The following SLC2A14 variants were observed in gnomAD, a reference collection of about 807,000 sequenced individuals.
SLC2A14 encodes solute carrier family 2 member 14.
In SLC2A14, 13 loss-of-function variants were observed where a neutral mutation model predicts 43.0. That is an observed-to-expected ratio of 0.30 (90% confidence interval 0.20 to 0.48). The LOEUF is 0.48. SLC2A14 is among the 20% of genes least tolerant of loss of function. The probability of loss-of-function intolerance (pLI) is 0.99; values close to 1 mark genes in which losing one functional copy is unlikely to be tolerated. For missense variants in SLC2A14, 428 were observed against 620.4 expected (o/e 0.69, Z 3.29); for synonymous variants, 190 against 233.8 (o/e 0.81, Z 1.71).
At position 7,817,771 on chromosome 12, in the gene SLC2A14, G is replaced by A. The variant is rs544944133; in HGVS notation, c.1275+60C>T. On this transcript the variant is annotated intron_variant, in intron 10 of 10. Transcript: ENST00000431042. ...ATATATATAGATAGATAGATAGATAGATAGATAGACAGATACATAGATAGA... is the reference window on the plus strand; with the variant it reads ...ATATATATAGATAGATAGATAGATAAATAGATAGACAGATACATAGATAGA... The A allele has an allele frequency of 1.1e-5, 17 of 1,564,020 alleles. No individual in the cohort carries two copies. The South Asian group carries it at 1.8e-4, about 17-fold the overall frequency.
rs771396690 is a variant in SLC2A14, at chr12:7,821,285, A to C, written c.905T>G (p.Val302Gly). The change falls in exon 8 of 11, where the codon GTT (valine) becomes GGT (glycine). Residue 302 changes from valine to glycine, a missense_variant. Physicochemically the swap from Val to Gly is moderately radical, Grantham distance 109. Transcript: ENST00000431042. ...GATGGTGGCATAGATGGGCTGTTGA[A>C]CACCTGCATCCTTGAAGATTCCTGT... ...YSTGIFKDAGVQQPIYATISA... is the reference protein window; with the variant it reads ...YSTGIFKDAGGQQPIYATISA... The C allele has an allele frequency of 3.7e-6, 6 of 1,613,950 alleles. No homozygotes were observed. The highest frequency in any genetic ancestry group is 5.1e-6 in the Non-Finnish European group (6 of 1,179,908).
Position 7,889,766 on chromosome 12 carries a change from C to T in SLC2A14, c.132+1230G>A, listed in dbSNP as rs1405771584. 7.2e-5 allele frequency among the ~76,000 whole-genome samples: 11 copies of T among 151,926 alleles called. 1 individual carries two copies. Among genetic ancestry groups the T allele is most frequent in the Non-Finnish European group, 1.5e-4 (10 of 67,982 alleles). On this transcript the variant is annotated intron_variant, in intron 1 of 9. Coordinates refer to the SLC2A14 transcript ENST00000539924. ...GGTCAGGCTGGTCTCGAACTCCTGA[C>T]CTCAGGTGATCCACCCGCCTTGGCC...
At chr12:7,856,400 G>C (rs775777706) in intron 2 of SLC2A14, 1 of 152,152 alleles carries the variant, frequency 6.6e-6, no homozygotes, top group East Asian at 1.9e-4. Context: ...GTGCTGATCC[G>C]CAGTGGGATG....
chr12:7,875,065 T>TAAATATATATTTATATATAAATTATATA (rs1945429606), upstream of SLC2A14, among the ~76,000 whole-genome samples: 3 of 122,004 alleles, frequency 2.5e-5, no homozygotes, highest in East Asian at 4.5e-4. Flanking sequence ...AAATTATATA[T>TAAATATATATTTATATATAAATTATATA]TAAATATTAT....
At chr12:7,871,743 C>T (rs1290159303) in intron 1 of SLC2A14, 1 of 226,198 alleles carries the variant, frequency 4.4e-6, no homozygotes, top group Non-Finnish European at 7.4e-6. Flanking sequence ...GGAAGGGACC[C>T]TTAGTCCTGA....
At chr12:7,822,620 G>A (rs1864015486) in intron 7 of SLC2A14, among the ~76,000 whole-genome samples, 1 of 148,578 alleles carries the variant, frequency 6.7e-6, no homozygotes, top group Non-Finnish European at 1.5e-5. Context: ...AGTGAGCCGA[G>A]ATGGTGCCAC....
At chr12:7,830,943 G>C (rs1041780086) in intron 4 of SLC2A14, among the ~76,000 whole-genome samples, 2 of 151,940 alleles carry the variant, frequency 1.3e-5, no homozygotes, top group Non-Finnish European at 2.9e-5. Flanking sequence ...GGCCAATATG[G>C]TGAAACCCCA....
intron 2 of SLC2A14, among the ~76,000 whole-genome samples, chr12:7,846,655 G>A (rs1164966740): frequency 1.4e-5 from 2 of 145,640 alleles, no homozygotes; most frequent in African/African-American, 5.0e-5. Flanking sequence ...TTTTTGAGAT[G>A]GAGTCTCGCT....
At chr12:7,879,244 G>T (rs113359814) in intron 1 of SLC2A14, among the ~76,000 whole-genome samples, 1 of 149,802 alleles carries the variant, frequency 6.7e-6, no homozygotes, top group South Asian at 2.1e-4. Context: ...TTATTTTAAC[G>T]TCTGCCTCAG....
chr12:7,832,761 C>T lies in SLC2A14; in HGVS notation c.72G>A (p.Gln24=). 3 of 1,614,150 alleles carry T rather than the reference C, an allele frequency of 1.9e-6. No individual in the cohort carries two copies. Among genetic ancestry groups the T allele is most frequent in the Non-Finnish European group, 1.7e-6 (2 of 1,180,022 alleles). The change falls in exon 3 of 11, where the codon CAG becomes CAA. Residue 24 remains glutamine, a synonymous_variant. Transcript: ENST00000431042. The part of the protein sequence containing the change: ...AITVATIGSF[Q]FGYNTGVINA... ...TGATGACCCCAGTGTTGTAGCCAAA[C>T]TGGAAAGAGCCGATTGTAGCAACTG... is the stretch of plus-strand genomic sequence containing the variant.
At chr12:7,829,146 A>T (rs1254470109) in intron 5 of SLC2A14, among the ~76,000 whole-genome samples, 1 of 152,084 alleles carries the variant, frequency 6.6e-6, no homozygotes, top group Non-Finnish European at 1.5e-5. Flanking sequence ...CAGGAGGCGG[A>T]GGTTGCAGTG....
At position 7,864,607 on chromosome 12, in the gene SLC2A14, G is replaced by A. The variant is rs146346590; in HGVS notation, c.18+5256C>T. ...CCGGCCTCGGCCTCCCAAAGTGTTG[G>A]GATTACAGGCGTGAGCCACCGTGCC... On this transcript the variant is annotated intron_variant, in intron 2 of 10. Transcript: ENST00000431042. 1.5e-3 allele frequency among the ~76,000 whole-genome samples: 226 copies of A among 152,244 alleles called. 1 individual carries two copies. Among genetic ancestry groups the A allele is most frequent in the African/African-American group, 4.7e-3 (194 of 41,544 alleles).
chr12:7,826,911 T>TTCTTTCTTTCTTTC (rs1555121889), intron 7 of SLC2A14, among the ~76,000 whole-genome samples: 7 of 126,378 alleles, frequency 5.5e-5, no homozygotes, highest in Non-Finnish European at 1.2e-4. Flanking sequence ...CTTTCTTTCT[T>TTCTTTCTTTCTTTC]TCTTTTTCCT....
chr12:7,838,435 G>A (rs920339193), intron 2 of SLC2A14, among the ~76,000 whole-genome samples: 3 of 152,020 alleles, frequency 2.0e-5, no homozygotes, highest in African/African-American at 7.3e-5. Flanking sequence ...TTTTGAACTT[G>A]GAAGACCAGG....
At chr12:7,875,844 C>T (rs774277661), upstream of SLC2A14, among the ~76,000 whole-genome samples, 90 of 152,112 alleles carry the variant, frequency 5.9e-4, 1 homozygote, top group African/African-American at 2.1e-3. Flanking sequence ...GGTGCAGTGG[C>T]GCATGCCTGT....
At chr12:7,834,530 CTTTT>C (rs71038782) in intron 2 of SLC2A14, among the ~76,000 whole-genome samples, 1 of 113,226 alleles carries the variant, frequency 8.8e-6, no homozygotes, top group Non-Finnish European at 1.8e-5. Context: ...TTCTCTCTCT[CTTTT>C]TTTTTTTTTT....
chr12:7,828,364 CAAAA>C (rs34164271), intron 6 of SLC2A14, among the ~76,000 whole-genome samples: 2 of 142,186 alleles, frequency 1.4e-5, no homozygotes, highest in Non-Finnish European at 1.5e-5. Context: ...GACTCTGTCT[CAAAA>C]AAAAAAAAAA....
chr12:7,829,351 G>A (rs1363433328), intron 5 of SLC2A14, among the ~76,000 whole-genome samples: 2 of 152,038 alleles, frequency 1.3e-5, no homozygotes, highest in Non-Finnish European at 2.9e-5. Context: ...CCTGAGGTCA[G>A]GAGTTTGAGA....
At chr12:7,862,282 A>AC (rs989194418) in intron 2 of SLC2A14, among the ~76,000 whole-genome samples, 1 of 151,040 alleles carries the variant, frequency 6.6e-6, no homozygotes, top group African/African-American at 2.4e-5. Flanking sequence ...AAAAAAAAAA[A>AC]AAAAAAGAAG....
Sources: allele counts gnomAD v4.1 joint callset (sites outside exome capture counted in the v4.1 genomes callset), GRCh38; gene constraint gnomAD v4.1.1; transcripts MANE v1.5; gene names NCBI Gene and HGNC (gene_info 2026-07-23, HGNC 2026-07-21).